Variants in PCDH15 observed in about 807,000 individuals in gnomAD.
PCDH15 encodes the protein protocadherin related 15, also known as protocadherin-15.
Under a neutral mutation model 178.5 loss-of-function variants are expected in PCDH15, and 129 were observed. The observed-to-expected ratio is 0.72, with a 90% CI of 0.63 to 0.84. The LOEUF is 0.84. Ranked by LOEUF, PCDH15 falls within the 40% of genes least tolerant of loss-of-function variation. PCDH15 has a pLI of 0.00. For synonymous variants in PCDH15, 800 were observed against 732.0 expected (o/e 1.09, Z -1.50); for missense variants, 2,230 against 2,099.9 (o/e 1.06, Z -1.21).
intron 18 of PCDH15, among the ~76,000 whole-genome samples, chr10:54,040,229 G>T (rs976510426): frequency 6.6e-6 from 1 of 151,912 alleles, no homozygotes; most frequent in Non-Finnish European, 1.5e-5. Flanking sequence ...TTGAATTGTA[G>T]CTCCCCTAAT....
rs1370763421 is a variant in PCDH15, at chr10:54,757,482, C to G, written c.-29+43443G>C. Among the ~76,000 whole-genome samples the G allele has an allele frequency of 1.7e-4, 7 of 42,036 alleles. 1 individual carries two copies. The East Asian group carries it at 1.9e-3, about 11-fold the overall frequency. The allele number at this position is 42,036 out of a possible 152,430, so 27.6% of individuals were successfully genotyped here. A position where few individuals can be genotyped will look rare whatever the true frequency, so the allele number is the denominator to read the frequency against. ...ATTTTTAGTAGAGACGGGGTTTCAC[C>G]GTGTCAGCCAGGATGGTCTCGATCT... On this transcript the variant is annotated intron_variant, in intron 1 of 37. Coordinates refer to ENST00000644397, the MANE Select transcript of PCDH15 (RefSeq NM_001384140.1).
chr10:55,261,784 A>G (rs1359262107), intron 1 of PCDH15, among the ~76,000 whole-genome samples: 3 of 152,182 alleles, frequency 2.0e-5, no homozygotes, highest in African/African-American at 7.2e-5. Context: ...TAAAAAGTAA[A>G]TTCTAGACTT....
At chr10:53,836,676 TA>T (rs1252298151) in intron 29 of PCDH15, among the ~76,000 whole-genome samples, 4 of 152,208 alleles carry the variant, frequency 2.6e-5, no homozygotes, top group Non-Finnish European at 5.9e-5. Flanking sequence ...TTTACAGGCA[TA>T]AACTCTATTT....
intron 2 of PCDH15, among the ~76,000 whole-genome samples, chr10:55,347,200 G>A (rs1048925638): frequency 6.6e-6 from 1 of 151,902 alleles, no homozygotes; most frequent in Non-Finnish European, 1.5e-5. Context: ...GGGAAATAGA[G>A]GGAGACTGGC....
At chr10:53,900,585 TCA>T (rs2082270931) in intron 26 of PCDH15, among the ~76,000 whole-genome samples, 1 of 152,156 alleles carries the variant, frequency 6.6e-6, no homozygotes, top group South Asian at 2.1e-4. Flanking sequence ...CCCTTGGAAA[TCA>T]CAGACCATCA....
At chr10:53,979,412 A>G (rs1383157521) in intron 21 of PCDH15, among the ~76,000 whole-genome samples, 3 of 152,170 alleles carry the variant, frequency 2.0e-5, no homozygotes, top group Non-Finnish European at 4.4e-5. Context: ...GGTCTCTCCC[A>G]CTACACGTGA....
intron 26 of PCDH15, among the ~76,000 whole-genome samples, chr10:53,880,965 G>GCT (rs572441513): frequency 4.0e-5 from 6 of 150,626 alleles, no homozygotes; most frequent in South Asian, 4.2e-4. Flanking sequence ...TCTCCCTCGT[G>GCT]CTCTCTCTCT....
chr10:55,266,712 C>T (rs572548943), intron 1 of PCDH15, among the ~76,000 whole-genome samples: 27 of 152,242 alleles, frequency 1.8e-4, no homozygotes, highest in African/African-American at 5.8e-4. Flanking sequence ...GAAAAGCACA[C>T]TGACAGGTAC....
At chr10:53,854,175 G>A (rs576335932) in intron 28 of PCDH15, among the ~76,000 whole-genome samples, 1 of 151,818 alleles carries the variant, frequency 6.6e-6, no homozygotes, top group Admixed American at 6.6e-5. Flanking sequence ...GAGAAATACT[G>A]CAAATTTCCA....
chr10:54,888,794 T>C (rs1415918555), intron 3 of PCDH15, among the ~76,000 whole-genome samples: 7 of 151,362 alleles, frequency 4.6e-5, no homozygotes. Flanking sequence ...TTTTTCTTTT[T>C]TTTTTTTTTA....
intron 32 of PCDH15, chr10:53,824,995 G>A: frequency 1.8e-6 from 2 of 1,093,504 alleles, no homozygotes; most frequent in Non-Finnish European, 2.3e-6. Context: ...GGGTGTGGAA[G>A]ACAAAACTTT....
chr10:54,013,994 T>C (rs2092666806), intron 20 of PCDH15, among the ~76,000 whole-genome samples: 1 of 151,458 alleles, frequency 6.6e-6, no homozygotes, highest in East Asian at 1.9e-4. Flanking sequence ...AAGAATTAAT[T>C]AGATAGATGG....
intron 2 of PCDH15, among the ~76,000 whole-genome samples, chr10:54,612,122 T>A (rs2092981648): frequency 6.6e-6 from 1 of 151,792 alleles, no homozygotes; most frequent in African/African-American, 2.4e-5. Context: ...CACATCACTT[T>A]TTAAACAGAG....
At chr10:54,109,484 A>T (rs1479254063) in intron 15 of PCDH15, among the ~76,000 whole-genome samples, 2 of 152,240 alleles carry the variant, frequency 1.3e-5, no homozygotes, top group African/African-American at 4.8e-5. Flanking sequence ...ATGGAGCATT[A>T]TTCAGCCATA....
rs536287945 is a variant in PCDH15, at chr10:53,870,711, G to A, written c.3502-3854C>T. ...ATAACAAATACATATTTTAAAATCC[G>A]AAACCTCTCCTCTAAGATGTGACTC... On this transcript the variant is annotated intron_variant, in intron 26 of 37. Transcript: ENST00000644397. Among the ~76,000 whole-genome samples the A allele has an allele frequency of 5.3e-5, 8 of 152,098 alleles. No homozygotes were observed. The South Asian group carries it at 1.5e-3, about 28-fold the overall frequency.
chr10:54,515,281 C>T (rs2082094638), intron 3 of PCDH15, among the ~76,000 whole-genome samples: 1 of 152,186 alleles, frequency 6.6e-6, no homozygotes, highest in Non-Finnish European at 1.5e-5. Context: ...CACCTTAATA[C>T]TGCACTTTTC....
At position 54,478,947 on chromosome 10, in the gene PCDH15, G is replaced by A. The variant is rs139773259; in HGVS notation, c.157+48865C>T. On this transcript the variant is annotated intron_variant, in intron 3 of 37. Transcript: ENST00000644397. ...TAGAGTTATTATGTGTGTCATACTG[G>A]AATCTAGCCTCACAAAATTAGCACA... is the stretch of plus-strand genomic sequence containing the variant. 3.6e-4 allele frequency among the ~76,000 whole-genome samples: 54 copies of A among 150,462 alleles called. No homozygotes were observed. In the East Asian group the frequency reaches 0.01, roughly 28 times the overall value.
At chr10:55,076,047 A>G (rs564783322) in intron 2 of PCDH15, among the ~76,000 whole-genome samples, 2 of 152,180 alleles carry the variant, frequency 1.3e-5, no homozygotes, top group African/African-American at 4.8e-5. Flanking sequence ...TACAGTTTCC[A>G]AGGTTTTTCT....
At chr10:54,176,588 A>G (rs1168376619) in intron 13 of PCDH15, among the ~76,000 whole-genome samples, 2 of 152,150 alleles carry the variant, frequency 1.3e-5, no homozygotes, top group African/African-American at 4.8e-5. Context: ...GATGAAACAA[A>G]TATATTTAAG....
Sources: allele counts gnomAD v4.1 joint callset (sites outside exome capture counted in the v4.1 genomes callset), GRCh38; gene constraint gnomAD v4.1.1; transcripts MANE v1.5; gene names NCBI Gene and HGNC (gene_info 2026-07-23, HGNC 2026-07-21).